Variants in CDCA2 observed in about 807,000 individuals in gnomAD.
The protein encoded by CDCA2 is cell division cycle-associated protein 2.
In CDCA2, 44 loss-of-function variants were observed where a neutral mutation model predicts 67.0. The ratio of observed to expected loss-of-function variants is 0.66; its 90% CI spans 0.52 to 0.84. CDCA2 has a LOEUF of 0.84. Among genes scored for constraint, CDCA2 ranks in the 40% least tolerant of loss-of-function variants. The probability of loss-of-function intolerance (pLI) is 0.00; values close to 1 mark genes in which losing one functional copy is unlikely to be tolerated. For synonymous variants in CDCA2, 447 were observed against 418.7 expected (o/e 1.07, Z -0.82); for missense variants, 1,253 against 1,203.2 (o/e 1.04, Z -0.61).
At chr8:25,483,149 A>G (rs1395299283) in intron 8 of CDCA2, among the ~76,000 whole-genome samples, 4 of 152,164 alleles carry the variant, frequency 2.6e-5, no homozygotes, top group Non-Finnish European at 4.4e-5. Flanking sequence ...AATTTGACCC[A>G]TGTTTATTGA....
Position 25,506,856 on chromosome 8 carries a change from T to C in CDCA2, c.2190T>C (p.Ala730=). The C allele has an allele frequency of 6.2e-7, 1 of 1,613,740 alleles. No homozygotes were observed. Among genetic ancestry groups the C allele is most frequent in the Non-Finnish European group, 8.5e-7 (1 of 1,179,912 alleles). Residue 730 remains alanine (A), a synonymous_variant, in exon 15 of 15, where the codon GCT becomes GCC. Transcript: ENST00000330560. ...TGGCATCAGATAGTCCCAAACCTGC[T>C]CTGACCCTGCAGCAGGGTCAAGAAT... The part of the protein sequence containing the change: ...ERVASDSPKP[A]LTLQQGQEFS...
intron 13 of CDCA2, among the ~76,000 whole-genome samples, chr8:25,495,394 A>G (rs1804174957): frequency 6.6e-6 from 1 of 151,646 alleles, no homozygotes; most frequent in Admixed American, 6.6e-5. Flanking sequence ...TTTCAAACCT[A>G]GAAATTTGAA....
intron 8 of CDCA2, among the ~76,000 whole-genome samples, chr8:25,481,250 A>AAT (rs1803558874): frequency 1.4e-5 from 2 of 147,370 alleles, no homozygotes; most frequent in Admixed American, 6.7e-5. Flanking sequence ...AAAAAAAAAA[A>AAT]GCTGATTTGG....
chr8:25,498,462 C>T (rs1183322076), intron 13 of CDCA2, among the ~76,000 whole-genome samples: 1 of 125,918 alleles, frequency 7.9e-6, no homozygotes, highest in African/African-American at 2.7e-5. Context: ...CACCCCCCCC[C>T]CGCCCCCCAG....
chr8:25,505,783 T>C (rs1804652423), intron 14 of CDCA2, among the ~76,000 whole-genome samples: 1 of 152,208 alleles, frequency 6.6e-6, no homozygotes, highest in South Asian at 2.1e-4. Context: ...TAGTTAGTTC[T>C]AAGATTTAGA....
At chr8:25,497,786 CA>C (rs1360748292) in intron 13 of CDCA2, among the ~76,000 whole-genome samples, 1 of 152,130 alleles carries the variant, frequency 6.6e-6, no homozygotes, top group Non-Finnish European at 1.5e-5. Flanking sequence ...GTACATATGT[CA>C]AAACCTCTCA....
chr8:25,506,149 T>G (rs1026800025), intron 14 of CDCA2, among the ~76,000 whole-genome samples: 1 of 152,218 alleles, frequency 6.6e-6, no homozygotes, highest in Admixed American at 6.5e-5. Flanking sequence ...GTTGCCCATT[T>G]GCAGTCATTC....
chr8:25,466,912 C>G (rs1363466573), intron 5 of CDCA2, among the ~76,000 whole-genome samples: 1 of 151,854 alleles, frequency 6.6e-6, no homozygotes, highest in Non-Finnish European at 1.5e-5. Context: ...CGTGGTGACA[C>G]ATGCCTGTAA....
intron 5 of CDCA2, among the ~76,000 whole-genome samples, chr8:25,467,934 G>A (rs1434491129): frequency 6.6e-6 from 1 of 151,664 alleles, no homozygotes; most frequent in Admixed American, 6.6e-5. Context: ...CCTGACCAAC[G>A]TGGTGAAACC....
chr8:25,503,269 T>G, intron 13 of CDCA2, 104 bp from the exon 14 acceptor site: 1 of 842,308 alleles, frequency 1.2e-6, no homozygotes, highest in Non-Finnish European at 1.9e-6. Context: ...GATGACAAAG[T>G]GAGACCCTGT....
At chr8:25,477,876 C>T (rs1486646987) in intron 7 of CDCA2, among the ~76,000 whole-genome samples, 1 of 151,950 alleles carries the variant, frequency 6.6e-6, no homozygotes, top group Admixed American at 6.6e-5. Flanking sequence ...TCATTCACCT[C>T]ATTGCTGTAT....
chr8:25,468,467 G>A (rs758426856), intron 6 of CDCA2, 54 bp downstream of exon 6: 16 of 1,447,122 alleles, frequency 1.1e-5, no homozygotes, highest in Non-Finnish European at 2.9e-6. Context: ...TTCTGCATAG[G>A]CAGTTTTAAG....
intron 13 of CDCA2, among the ~76,000 whole-genome samples, chr8:25,491,871 C>T (rs1414868586): frequency 6.6e-6 from 1 of 151,976 alleles, no homozygotes; most frequent in Non-Finnish European, 1.5e-5. Context: ...GATCTTGGCT[C>T]ACCACAACCT....
At chr8:25,485,160 A>G (rs1397330212) in intron 10 of CDCA2, among the ~76,000 whole-genome samples, 1 of 149,204 alleles carries the variant, frequency 6.7e-6, no homozygotes, top group Admixed American at 6.7e-5. Context: ...TGTTGTGCAC[A>G]TGCACCCTAA....
chr8:25,471,259 A>G (rs1803141107), intron 7 of CDCA2, among the ~76,000 whole-genome samples: 1 of 152,230 alleles, frequency 6.6e-6, no homozygotes, highest in Non-Finnish European at 1.5e-5. Context: ...ATCATAAGAT[A>G]AATGGGTGGA....
Position 25,500,060 on chromosome 8 carries a change from C to T in CDCA2, c.1672-3313C>T, listed in dbSNP as rs773914515. Among the ~76,000 whole-genome samples, 10 of 152,140 alleles carry T rather than the reference C, an allele frequency of 6.6e-5. 1 individual carries two copies. Among genetic ancestry groups the T allele is most frequent in the Admixed American group, 3.3e-4 (5 of 15,284 alleles). On this transcript the variant is annotated intron_variant, in intron 13 of 14. Coordinates refer to ENST00000330560, the MANE Select transcript of CDCA2 (RefSeq NM_152562.4). ...GGAGAGGTGGGGTGGTAATATACTTCTCTTGGCCCATGACCATGAAAAAAC... is the reference window on the plus strand; with the variant it reads ...GGAGAGGTGGGGTGGTAATATACTTTTCTTGGCCCATGACCATGAAAAAAC...
At chr8:25,498,463 C>CCCCCCCCCCCCCCCCCCCA (rs71214578) in intron 13 of CDCA2, among the ~76,000 whole-genome samples, 2 of 125,752 alleles carry the variant, frequency 1.6e-5, no homozygotes, top group African/African-American at 5.6e-5. Context: ...ACCCCCCCCC[C>CCCCCCCCCCCCCCCCCCCA]GCCCCCCAGG....
chr8:25,484,583 T>C (rs1435832531), intron 10 of CDCA2, among the ~76,000 whole-genome samples: 1 of 144,732 alleles, frequency 6.9e-6, no homozygotes, highest in Non-Finnish European at 1.5e-5. Context: ...ACTCTAGGTA[T>C]AGATGATTTT....
chr8:25,484,020 G>C lies in CDCA2; in HGVS notation c.1175G>C (p.Arg392Thr). Residue 392 changes from arginine (R) to threonine (T), a missense_variant, in exon 10 of 15, where the codon AGA becomes ACA. By Grantham distance (71) the Arg-to-Thr change is moderately conservative. Coordinates refer to ENST00000330560, the MANE Select transcript of CDCA2 (RefSeq NM_152562.4). ...PAFLNMRKRK[R>T]VTFGEDLSPE... is the part of the protein sequence containing the mutation. Reference sequence around the variant, plus strand: ...TTTCTAAATATGAGGAAGAGGAAGAGAGTTACTTTTGGAGAGGACTTAAGC... The same window carrying C: ...TTTCTAAATATGAGGAAGAGGAAGACAGTTACTTTTGGAGAGGACTTAAGC... The C allele has an allele frequency of 6.2e-7, 1 of 1,614,190 alleles. No homozygotes were observed. The highest frequency in any genetic ancestry group is 8.5e-7 in the Non-Finnish European group (1 of 1,180,038).
Sources: gnomAD v4.1 joint callset for allele counts (sites outside exome capture counted in the v4.1 genomes callset) on GRCh38, gnomAD v4.1.1 for gene constraint, MANE v1.5 for transcripts, NCBI Gene and HGNC (gene_info 2026-07-23, HGNC 2026-07-21) for gene names.